The following PON1 variants were observed in gnomAD, a reference collection of about 807,000 sequenced individuals.
The protein encoded by PON1 is serum paraoxonase/arylesterase 1.
A neutral mutation model predicts 39.2 loss-of-function variants in PON1; 37 were observed. The observed-to-expected ratio is 0.94, with a 90% CI of 0.73 to 1.24. PON1 has a LOEUF of 1.24. Ranked by LOEUF, PON1 falls within the 50% of genes most tolerant of loss-of-function variation. PON1 has a pLI of 0.00. For missense variants in PON1, 397 were observed against 413.5 expected (o/e 0.96, Z 0.35); for synonymous variants, 148 against 152.2 (o/e 0.97, Z 0.21).
intron 7 of PON1, among the ~76,000 whole-genome samples, chr7:95,305,819 T>A (rs1051462485): frequency 1.3e-4 from 20 of 152,094 alleles, no homozygotes; most frequent in African/African-American, 4.6e-4. Flanking sequence ...GGCAGCCAGG[T>A]CACCTAGCAG....
chr7:95,299,700 A>C (rs1174604158), intron 8 of PON1, among the ~76,000 whole-genome samples: 1 of 152,098 alleles, frequency 6.6e-6, no homozygotes, highest in Non-Finnish European at 1.5e-5. Flanking sequence ...ATCAGACTCC[A>C]AATTCTTCAG....
chr7:95,302,072 G>C, intron 8 of PON1, 133 bp downstream of exon 8: 1 of 938,962 alleles, frequency 1.1e-6, no homozygotes, highest in South Asian at 1.7e-5. Context: ...ACTCCAGCCT[G>C]GGCGACAGAG....
chr7:95,314,202 T>C (rs909654886), intron 4 of PON1, among the ~76,000 whole-genome samples: 2 of 151,736 alleles, frequency 1.3e-5, no homozygotes, highest in African/African-American at 4.8e-5. Context: ...TCTACTAAAA[T>C]ACGAAAAATC....
chr7:95,312,538 G>A (rs1208440100), intron 4 of PON1, among the ~76,000 whole-genome samples: 1 of 152,238 alleles, frequency 6.6e-6, no homozygotes, highest in East Asian at 1.9e-4. Flanking sequence ...AAATACAACA[G>A]GATAAAAGAA....
chr7:95,305,503 A>G (rs1387985615), intron 7 of PON1, among the ~76,000 whole-genome samples: 1 of 152,234 alleles, frequency 6.6e-6, no homozygotes. Flanking sequence ...TGTGGAGCTT[A>G]CACCCTAGTT....
At chr7:95,300,044 T>A (rs535374774) in intron 8 of PON1, among the ~76,000 whole-genome samples, 1 of 152,328 alleles carries the variant, frequency 6.6e-6, no homozygotes, top group South Asian at 2.1e-4. Context: ...GTTCTGAACT[T>A]AACCTCCTGT....
chr7:95,302,373 TA>T, intron 7 of PON1, 40 bp from the exon 8 acceptor site: 1 of 1,574,848 alleles, frequency 6.3e-7, no homozygotes, highest in Non-Finnish European at 8.7e-7. Context: ...AGACATAAAG[TA>T]AAACACAATT....
Position 95,308,141 on chromosome 7 carries a change from A to AG in PON1, c.567dup (p.Tyr190LeufsTer20). The AG allele has an allele frequency of 6.2e-7, 1 of 1,614,176 alleles. No individual in the cohort carries two copies. Among genetic ancestry groups the AG allele is most frequent in the Non-Finnish European group, 8.5e-7 (1 of 1,179,992 alleles). On this transcript the variant is annotated frameshift_variant, in exon 6 of 9. Coordinates refer to ENST00000222381, the MANE Select transcript of PON1 (RefSeq NM_000446.7). LOFTEE classifies it high-confidence loss of function. ...AAATACATCTCCCAGGATTGTAAGT[A>AG]GGGGTCAAGAAAATAGTGATCATTT...
chr7:95,317,573 C>CAAAAAAAAAAAAAAAAAAAAAAAA (rs869140411), intron 2 of PON1, among the ~76,000 whole-genome samples: 7 of 46,800 alleles, frequency 1.5e-4, no homozygotes, highest in South Asian at 7.1e-4. Flanking sequence ...TCTAAAAGAA[C>CAAAAAAAAAAAAAAAAAAAAAAAA]AAAAAAAAAA....
rs1369488833 is a variant in PON1 at position 95,307,999 on chromosome 7, G to A, written c.698+12C>T. On this transcript the variant is annotated intron_variant, in intron 6 of 8. Coordinates refer to ENST00000222381, the MANE Select transcript of PON1 (RefSeq NM_000446.7). ...CTGAGTAAATCCACTACATTTCAGAGAGTTCACATACTTGCCATCGGGTGA... is the reference window on the plus strand; with the variant it reads ...CTGAGTAAATCCACTACATTTCAGAAAGTTCACATACTTGCCATCGGGTGA... 1.9e-6 allele frequency: 3 copies of A among 1,606,814 alleles called. No individual in the cohort carries two copies. Among genetic ancestry groups the A allele is most frequent in the Non-Finnish European group, 1.7e-6 (2 of 1,173,448 alleles).
At position 95,308,147 on chromosome 7, in the gene PON1, C is replaced by G. The variant is rs1807580241; in HGVS notation, c.562G>C (p.Asp188His). The stretch of plus-strand genomic sequence containing the variant: ...ATCTCCCAGGATTGTAAGTAGGGGT[C>G]AAGAAAATAGTGATCATTTGTGCCA... ...FYGTNDHYFL[D>H]PYLQSWEMYL... Residue 188 changes from aspartate (D) to histidine (H), a missense_variant, in exon 6 of 9, where the codon GAC becomes CAC. Coordinates refer to ENST00000222381, the MANE Select transcript of PON1 (RefSeq NM_000446.7). The G allele has an allele frequency of 6.2e-7, 1 of 1,613,934 alleles. No homozygotes were observed. The highest frequency in any genetic ancestry group is 8.5e-7 in the Non-Finnish European group (1 of 1,180,014).
In PON1 at chr7:95,302,353, G is replaced by C; in HGVS notation, c.781-20C>G. 1 of 1,595,664 alleles carries C rather than the reference G, an allele frequency of 6.3e-7. No individual in the cohort carries two copies. Among genetic ancestry groups the C allele is most frequent in the Non-Finnish European group, 8.6e-7 (1 of 1,165,554 alleles). On this transcript the variant is annotated intron_variant, in intron 7 of 8. Coordinates refer to ENST00000222381, the MANE Select transcript of PON1 (RefSeq NM_000446.7). ...AAGGGACTTAAAAGATTAAAAACAA[G>C]AAAAGAACAAGACATAAAGTAAAAC... is the stretch of plus-strand genomic sequence containing the variant.
intron 7 of PON1, among the ~76,000 whole-genome samples, chr7:95,305,670 AG>A (rs1249862316): frequency 1.3e-5 from 2 of 152,144 alleles, no homozygotes; most frequent in Non-Finnish European, 2.9e-5. Flanking sequence ...TAAAAATGAA[AG>A]GAGATGAAGG....
intron 1 of PON1, among the ~76,000 whole-genome samples, chr7:95,323,276 A>G (rs956979984): frequency 6.6e-6 from 1 of 152,060 alleles, no homozygotes; most frequent in Admixed American, 6.6e-5. Flanking sequence ...TCCTTTATCT[A>G]TATATTTTTA....
At chr7:95,313,382 A>G (rs1807696178) in intron 4 of PON1, among the ~76,000 whole-genome samples, 1 of 152,224 alleles carries the variant, frequency 6.6e-6, no homozygotes, top group Non-Finnish European at 1.5e-5. Flanking sequence ...TGAATCCCGA[A>G]CTGCCTTGGC....
chr7:95,307,774 C>T (rs1406738723), intron 6 of PON1, among the ~76,000 whole-genome samples: 1 of 152,090 alleles, frequency 6.6e-6, no homozygotes, highest in Non-Finnish European at 1.5e-5. Flanking sequence ...TCACAGTTCC[C>T]CCTCTTAAAA....
intron 3 of PON1, 71 bp from the exon 4 acceptor site, chr7:95,315,561 G>A: frequency 6.7e-7 from 1 of 1,494,190 alleles, no homozygotes; most frequent in Non-Finnish European, 9.3e-7. Context: ...GCGCTGCATG[G>A]CCCATGGGTT....
At chr7:95,315,925 C>T (rs916698296) in intron 3 of PON1, among the ~76,000 whole-genome samples, 3 of 152,218 alleles carry the variant, frequency 2.0e-5, no homozygotes, top group African/African-American at 4.8e-5. Flanking sequence ...AGAGGAACTA[C>T]TCCTTTCTTA....
At chr7:95,302,125 AGAATTGAGAATTATGTTGTCAACTG>A in intron 8 of PON1, 55 bp downstream of exon 8, 2 of 966,960 alleles carry the variant, frequency 2.1e-6, no homozygotes, top group East Asian at 3.2e-5. Flanking sequence ...AAAAAAACCA[AGAATTGAGAATTATGTTGTCAACTG>A]AAAAAACAGT....
Sources: allele counts gnomAD v4.1 joint callset (sites outside exome capture counted in the v4.1 genomes callset), GRCh38; gene constraint gnomAD v4.1.1; transcripts MANE v1.5; gene names NCBI Gene and HGNC (gene_info 2026-07-23, HGNC 2026-07-21).